ZFPM2: variants seen among roughly 807,000 people sequenced by gnomAD.
The protein encoded by ZFPM2 is zinc finger protein ZFPM2.
A neutral mutation model predicts 98.6 loss-of-function variants in ZFPM2; 20 were observed. The ratio of observed to expected loss-of-function variants is 0.20; its 90% CI spans 0.14 to 0.29. The LOEUF is 0.29. ZFPM2 is among the 10% of genes least tolerant of loss of function. The pLI is 1.00. For synonymous variants in ZFPM2, 518 were observed against 502.7 expected (o/e 1.03, Z -0.41); for missense variants, 1,310 against 1,388.6 (o/e 0.94, Z 0.90).
chr8:105,662,670 A>G (rs543249543), intron 5 of ZFPM2: 2 of 150,322 alleles, frequency 1.3e-5, no homozygotes, highest in South Asian at 2.1e-4. Context: ...TTTCAAAAAA[A>G]TTTTTTTTTA....
intron 4 of ZFPM2, among the ~76,000 whole-genome samples, chr8:105,625,544 C>A (rs1347881309): frequency 6.6e-6 from 1 of 151,708 alleles, no homozygotes; most frequent in Non-Finnish European, 1.5e-5. Context: ...TTAACATTAA[C>A]TGGTCATGGG....
At chr8:105,672,268 G>GA (rs893171555) in intron 5 of ZFPM2, among the ~76,000 whole-genome samples, 1 of 151,458 alleles carries the variant, frequency 6.6e-6, no homozygotes, top group African/African-American at 2.4e-5. Context: ...TTTGGTTCAA[G>GA]AAAAAAATAC....
chr8:105,376,537 T>A (rs555773698), intron 1 of ZFPM2, among the ~76,000 whole-genome samples: 1 of 152,168 alleles, frequency 6.6e-6, no homozygotes, highest in Non-Finnish European at 1.5e-5. Flanking sequence ...CATCTCAAAT[T>A]TAATGTGTCC....
At chr8:105,672,818 G>A (rs1017359143) in intron 5 of ZFPM2, among the ~76,000 whole-genome samples, 1 of 152,170 alleles carries the variant, frequency 6.6e-6, no homozygotes, top group African/African-American at 2.4e-5. Flanking sequence ...CCTTCGAGAA[G>A]CAGATTAGCA....
At chr8:105,434,692 C>T (rs1211041140) in intron 2 of ZFPM2, among the ~76,000 whole-genome samples, 4 of 152,156 alleles carry the variant, frequency 2.6e-5, no homozygotes, top group African/African-American at 9.7e-5. Flanking sequence ...GATGATTTAG[C>T]TGATTGCAAA....
At chr8:105,508,422 T>TA (rs1813745930) in intron 3 of ZFPM2, among the ~76,000 whole-genome samples, 1 of 148,202 alleles carries the variant, frequency 6.7e-6, no homozygotes, top group Admixed American at 6.7e-5. Context: ...GTCTGTGGGA[T>TA]TTTTTTTTTA....
intron 3 of ZFPM2, among the ~76,000 whole-genome samples, chr8:105,453,428 G>C (rs1812525966): frequency 6.6e-6 from 1 of 152,272 alleles, no homozygotes; most frequent in East Asian, 1.9e-4. Flanking sequence ...AATGACTTCT[G>C]TGAGGACCAA....
intron 5 of ZFPM2, among the ~76,000 whole-genome samples, chr8:105,742,830 A>G (rs1812251714): frequency 6.6e-6 from 1 of 152,104 alleles, no homozygotes; most frequent in Non-Finnish European, 1.5e-5. Context: ...AGTTGCAGTG[A>G]GCCAAGATCG....
At chr8:105,776,347 T>TTATC (rs1195385309) in intron 5 of ZFPM2, among the ~76,000 whole-genome samples, 1 of 152,204 alleles carries the variant, frequency 6.6e-6, no homozygotes, top group African/African-American at 2.4e-5. Context: ...GACCTATATA[T>TTATC]TATCTGTTGA....
chr8:105,360,224 A>G (rs189229296), intron 1 of ZFPM2, among the ~76,000 whole-genome samples: 29 of 152,336 alleles, frequency 1.9e-4, no homozygotes, highest in African/African-American at 6.7e-4. Flanking sequence ...ATAGATGCTA[A>G]AAAATAAGGA....
At position 105,758,838 on chromosome 8, in the gene ZFPM2, T is replaced by C. The variant is rs542950701; in HGVS notation, c.533-29880T>C. On this transcript the variant is annotated intron_variant, in intron 5 of 7. Transcript: ENST00000407775. ...TTGGCATGTTATGATATGAATGGAT[T>C]ATTCATTTAGGAAGACATCCACAGC... Among the ~76,000 whole-genome samples, 62 of 152,208 alleles carry C rather than the reference T, an allele frequency of 4.1e-4. 1 individual carries two copies. The highest frequency in any genetic ancestry group is 1.3e-3 in the African/African-American group (56 of 41,552).
chr8:105,330,611 C>CGTATATATATATATAT (rs1812208683), intron 1 of ZFPM2, among the ~76,000 whole-genome samples: 6 of 76,162 alleles, frequency 7.9e-5, no homozygotes, highest in African/African-American at 4.3e-4. Context: ...TATATATATA[C>CGTATATATATATATAT]ACATATATAT....
chr8:105,397,184 C>A (rs1811240245), intron 1 of ZFPM2, among the ~76,000 whole-genome samples: 2 of 152,104 alleles, frequency 1.3e-5, no homozygotes, highest in Non-Finnish European at 2.9e-5. Flanking sequence ...TTCAGCTCCT[C>A]CCTTTTACCA....
At chr8:105,711,037 A>G (rs1586212932) in intron 5 of ZFPM2, among the ~76,000 whole-genome samples, 2 of 151,868 alleles carry the variant, frequency 1.3e-5, no homozygotes, top group South Asian at 2.1e-4. Context: ...TCTTCCTTAC[A>G]CATACTTGGT....
rs150462536 is a variant in ZFPM2, at chr8:105,515,265, T to C, written c.302-46098T>C. On this transcript the variant is annotated intron_variant, in intron 3 of 7. Coordinates refer to ENST00000407775, the MANE Select transcript of ZFPM2 (RefSeq NM_012082.4). Reference sequence around the variant, plus strand: ...AGATTTTTCTCATGCAAATATTGCTTGTGGTTACTGGAAATGCTTAATACT... The same window carrying C: ...AGATTTTTCTCATGCAAATATTGCTCGTGGTTACTGGAAATGCTTAATACT... Among the ~76,000 whole-genome samples the C allele has an allele frequency of 3.2e-3, 490 of 152,366 alleles. 2 individuals carry two copies. The highest frequency in any genetic ancestry group is 0.011 in the African/African-American group (469 of 41,582).
chr8:105,396,073 A>G (rs1225964800), intron 1 of ZFPM2, among the ~76,000 whole-genome samples: 1 of 152,090 alleles, frequency 6.6e-6, no homozygotes, highest in Non-Finnish European at 1.5e-5. Context: ...TCCATTGTTT[A>G]CAACTACCAT....
At chr8:105,666,912 T>G (rs1219660613) in intron 5 of ZFPM2, among the ~76,000 whole-genome samples, 2 of 152,212 alleles carry the variant, frequency 1.3e-5, no homozygotes, top group African/African-American at 2.4e-5. Context: ...CTCTTTAATA[T>G]TCCATGTGAC....
chr8:105,336,493 T>G (rs1443220067), intron 1 of ZFPM2, among the ~76,000 whole-genome samples: 2 of 151,740 alleles, frequency 1.3e-5, no homozygotes, highest in African/African-American at 4.8e-5. Flanking sequence ...TGAAGTATTT[T>G]TTGGTAAATA....
intron 4 of ZFPM2, among the ~76,000 whole-genome samples, chr8:105,562,172 TGGTGGCGG>T (rs1815152619): frequency 6.6e-6 from 1 of 151,648 alleles, no homozygotes; most frequent in Non-Finnish European, 1.5e-5. Context: ...TAGCCAGACA[TGGTGGCGG>T]GTGCCTGTAG....
Sources: allele counts gnomAD v4.1 joint callset (sites outside exome capture counted in the v4.1 genomes callset), GRCh38; gene constraint gnomAD v4.1.1; transcripts MANE v1.5; gene names NCBI Gene and HGNC (gene_info 2026-07-23, HGNC 2026-07-21).